FAF1: variants seen among roughly 807,000 people sequenced by gnomAD.
The protein encoded by FAF1 is FAS-associated factor 1.
FAF1 carries 25 observed loss-of-function variants against 92.5 expected under a neutral mutation model. That is an observed-to-expected ratio of 0.27 (90% CI 0.20 to 0.38). FAF1 has a LOEUF of 0.38. Among genes scored for constraint, FAF1 ranks in the 10% least tolerant of loss-of-function variants. The probability of loss-of-function intolerance (pLI) is 1.00; values close to 1 mark genes in which losing one functional copy is unlikely to be tolerated. For synonymous variants in FAF1, 234 were observed against 273.2 expected, an observed-to-expected ratio of 0.86 and a Z score of 1.42; for missense variants, 636 against 793.3, an observed-to-expected ratio of 0.80 and a Z score of 2.38.
At chr1:50,545,260 C>T (rs1054305365) in intron 13 of FAF1, among the ~76,000 whole-genome samples, 1 of 152,064 alleles carries the variant, frequency 6.6e-6, no homozygotes, top group African/African-American at 2.4e-5. Context: ...ATTGAATTTG[C>T]TCCTAATTAT....
intron 8 of FAF1, among the ~76,000 whole-genome samples, chr1:50,605,064 C>G (rs915903834): frequency 6.6e-6 from 1 of 152,064 alleles, no homozygotes; most frequent in African/African-American, 2.4e-5. Flanking sequence ...CTTATACTGT[C>G]CCAACATTAT....
intron 15 of FAF1, among the ~76,000 whole-genome samples, chr1:50,495,731 T>C (rs116788255): frequency 0.01 from 1,589 of 152,326 alleles, 28 homozygotes; most frequent in African/African-American, 0.036. Flanking sequence ...CCAATAACAG[T>C]GTACAAGGGT....
chr1:50,642,606 G>A (rs548727166), intron 8 of FAF1, among the ~76,000 whole-genome samples: 12 of 151,990 alleles, frequency 7.9e-5, no homozygotes, highest in East Asian at 1.9e-4. Flanking sequence ...CCAAGATCAC[G>A]CCACTGCACT....
intron 1 of FAF1, among the ~76,000 whole-genome samples, chr1:50,922,777 C>A (rs1405764152): frequency 1.4e-5 from 2 of 146,016 alleles, no homozygotes; most frequent in African/African-American, 5.1e-5. Context: ...CAAGATCACG[C>A]CATTGCACTC....
chr1:50,891,068 CT>C (rs2124700310), intron 1 of FAF1, among the ~76,000 whole-genome samples: 1 of 152,232 alleles, frequency 6.6e-6, no homozygotes, highest in East Asian at 1.9e-4. Flanking sequence ...TATTTTTATT[CT>C]TTTTTCTCTA....
intron 15 of FAF1, among the ~76,000 whole-genome samples, chr1:50,497,602 G>A (rs899870532): frequency 7.3e-6 from 1 of 136,486 alleles, no homozygotes; most frequent in African/African-American, 2.7e-5. Flanking sequence ...AGGCTGGAGT[G>A]CAGTGGTGTG....
chr1:50,623,437 C>T (rs578086027), intron 8 of FAF1, among the ~76,000 whole-genome samples: 27 of 151,652 alleles, frequency 1.8e-4, no homozygotes, highest in Non-Finnish European at 2.8e-4. Context: ...GGTGTGGCGG[C>T]GTGCACCTGT....
intron 18 of FAF1, among the ~76,000 whole-genome samples, chr1:50,473,980 C>T (rs1646606541): frequency 6.6e-6 from 1 of 152,150 alleles, no homozygotes; most frequent in Non-Finnish European, 1.5e-5. Flanking sequence ...AAGTCCCATT[C>T]CATATAAAGC....
chr1:50,617,693 G>GTT (rs61376152), intron 8 of FAF1, among the ~76,000 whole-genome samples: 15,909 of 119,082 alleles, frequency 0.13, 1,473 homozygotes, highest in African/African-American at 0.28. Flanking sequence ...CTCCTCTTCT[G>GTT]TTTTTTTTTT....
intron 13 of FAF1, among the ~76,000 whole-genome samples, chr1:50,555,630 T>C (rs1163544957): frequency 6.6e-6 from 1 of 152,084 alleles, no homozygotes; most frequent in African/African-American, 2.4e-5. Flanking sequence ...TTGACACAGA[T>C]GCAGTAAAAA....
At chr1:50,477,148 T>G (rs1191600304) in intron 17 of FAF1, among the ~76,000 whole-genome samples, 1 of 152,160 alleles carries the variant, frequency 6.6e-6, no homozygotes, top group Non-Finnish European at 1.5e-5. Context: ...ACTGAACTAT[T>G]TTTTTTAAAT....
chr1:50,610,341 C>T (rs573440239), intron 8 of FAF1, among the ~76,000 whole-genome samples: 5 of 152,280 alleles, frequency 3.3e-5, no homozygotes, highest in Admixed American at 3.3e-4. Flanking sequence ...TAATTTTCTA[C>T]ACATTACTTG....
intron 4 of FAF1, among the ~76,000 whole-genome samples, chr1:50,757,727 T>G (rs1045447150): frequency 6.6e-6 from 1 of 152,182 alleles, no homozygotes; most frequent in African/African-American, 2.4e-5. Context: ...TATTATAACA[T>G]GAGATCATTT....
In FAF1 at chr1:50,606,230, A is replaced by G. The variant is rs1179205917; in HGVS notation, c.745-10014T>C. Among the ~76,000 whole-genome samples, 4 of 152,210 alleles carry G rather than the reference A, an allele frequency of 2.6e-5. No homozygotes were observed. In the East Asian group the frequency reaches 7.7e-4, roughly 29 times the overall value. ...AGAATTGGTATCATTTAAGTATTTT[A>G]TATCAACTTATGTCAATTAAATTTA... On this transcript the variant is annotated intron_variant, in intron 8 of 18. Coordinates refer to ENST00000396153, the MANE Select transcript of FAF1 (RefSeq NM_007051.3).
chr1:50,955,561 A>G (rs777208358), intron 1 of FAF1, among the ~76,000 whole-genome samples: 80 of 152,248 alleles, frequency 5.3e-4, no homozygotes, highest in Non-Finnish European at 7.5e-4. Context: ...TGCAGCCACT[A>G]TAGAAAACAA....
At chr1:50,950,298 G>A (rs188201161) in intron 1 of FAF1, among the ~76,000 whole-genome samples, 1 of 152,344 alleles carries the variant, frequency 6.6e-6, no homozygotes, top group African/African-American at 2.4e-5. Flanking sequence ...TTATGGAGGT[G>A]TAACCACATA....
intron 8 of FAF1, among the ~76,000 whole-genome samples, chr1:50,642,829 T>A (rs1222881604): frequency 2.0e-5 from 3 of 152,154 alleles, no homozygotes. Context: ...GTTCCCTTTT[T>A]TTCTGTTTTC....
In FAF1 at chr1:50,633,148, T is replaced by C. The variant is rs183921634; in HGVS notation, c.744+22294A>G. Among the ~76,000 whole-genome samples the C allele has an allele frequency of 2.0e-5, 3 of 152,316 alleles. No homozygotes were observed. The East Asian group carries it at 5.8e-4, about 29-fold the overall frequency. On this transcript the variant is annotated intron_variant, in intron 8 of 18. Transcript: ENST00000396153. ...AATGGTAACAGAACTGAAAGATAAT[T>C]TCTGCACTTTGGATGGAACAGCCAG...
At chr1:50,569,719 A>G (rs1426510211) in intron 12 of FAF1, among the ~76,000 whole-genome samples, 2 of 152,198 alleles carry the variant, frequency 1.3e-5, no homozygotes, top group Non-Finnish European at 2.9e-5. Flanking sequence ...GAACACTGCA[A>G]TGGAACATTT....
Sources: gnomAD v4.1 joint callset for allele counts (sites outside exome capture counted in the v4.1 genomes callset) on GRCh38, gnomAD v4.1.1 for gene constraint, MANE v1.5 for transcripts, NCBI Gene and HGNC (gene_info 2026-07-23, HGNC 2026-07-21) for gene names.